Variants in L3MBTL4 observed in about 807,000 individuals in gnomAD.
L3MBTL4 encodes L3MBTL histone methyl-lysine binding protein 4, also known as lethal(3)malignant brain tumor-like protein 4.
In L3MBTL4, 70 loss-of-function variants were observed where a neutral mutation model predicts 84.5. That is an observed-to-expected ratio of 0.83 (90% CI 0.68 to 1.01). The LOEUF is 1.01. L3MBTL4 is among the 50% of genes least tolerant of loss of function. The pLI is 0.00. For synonymous variants in L3MBTL4, 274 were observed against 259.8 expected, an observed-to-expected ratio of 1.05 and a Z score of -0.52; for missense variants, 715 against 754.8, an observed-to-expected ratio of 0.95 and a Z score of 0.62.
intron 1 of L3MBTL4, among the ~76,000 whole-genome samples, chr18:6,379,098 A>G (rs1349278463): frequency 6.6e-6 from 1 of 152,066 alleles, no homozygotes; most frequent in Non-Finnish European, 1.5e-5. Flanking sequence ...ATAAGAGTTC[A>G]CTCATGATTT....
intron 16 of L3MBTL4, among the ~76,000 whole-genome samples, chr18:6,016,029 G>A (rs1034216291): frequency 6.6e-5 from 10 of 152,172 alleles, no homozygotes; most frequent in South Asian, 2.1e-4. Context: ...TGACCACTGC[G>A]GAAGATGAAC....
intron 16 of L3MBTL4, chr18:6,031,559 T>C (rs2055801909): frequency 3.1e-6 from 3 of 958,544 alleles, no homozygotes. Context: ...CGGTCAGTTC[T>C]GATTTCAGCA....
chr18:5,980,354 A>G (rs894242981), intron 16 of L3MBTL4, among the ~76,000 whole-genome samples: 1 of 151,390 alleles, frequency 6.6e-6, no homozygotes, highest in African/African-American at 2.4e-5. Flanking sequence ...GAAACAAAGC[A>G]TCCCCGTCTC....
chr18:6,120,102 C>T (rs1380248841), intron 14 of L3MBTL4, among the ~76,000 whole-genome samples: 1 of 152,212 alleles, frequency 6.6e-6, no homozygotes, highest in Non-Finnish European at 1.5e-5. Context: ...TGAAACAGCA[C>T]AGATGTGTTT....
chr18:6,021,973 A>G (rs1177551389), intron 16 of L3MBTL4, among the ~76,000 whole-genome samples: 3 of 152,132 alleles, frequency 2.0e-5, no homozygotes, highest in Non-Finnish European at 2.9e-5. Context: ...ATTTACTACC[A>G]GGCATCTTCT....
intron 1 of L3MBTL4, among the ~76,000 whole-genome samples, chr18:6,336,603 C>T (rs1233225861): frequency 1.3e-5 from 2 of 152,162 alleles, no homozygotes; most frequent in Non-Finnish European, 1.5e-5. Context: ...TAAGGTCCAA[C>T]CAGAGATAGA....
At chr18:6,062,509 T>C (rs1031104290) in intron 16 of L3MBTL4, among the ~76,000 whole-genome samples, 1 of 152,028 alleles carries the variant, frequency 6.6e-6, no homozygotes, top group Non-Finnish European at 1.5e-5. Context: ...GATATGTGTT[T>C]TAGTGTCTGC....
At chr18:6,017,443 C>T (rs1233486863) in intron 16 of L3MBTL4, among the ~76,000 whole-genome samples, 3 of 152,204 alleles carry the variant, frequency 2.0e-5, no homozygotes, top group Non-Finnish European at 4.4e-5. Flanking sequence ...GAGTTTTACA[C>T]TGTAATTTTA....
chr18:6,185,443 G>A (rs1246670472), intron 12 of L3MBTL4, among the ~76,000 whole-genome samples: 1 of 152,144 alleles, frequency 6.6e-6, no homozygotes, highest in Admixed American at 6.5e-5. Flanking sequence ...GGAGAGGGAG[G>A]CTGGGGAAGG....
intron 5 of L3MBTL4, among the ~76,000 whole-genome samples, chr18:6,262,577 G>T (rs2048454736): frequency 6.6e-6 from 1 of 152,116 alleles, no homozygotes; most frequent in Non-Finnish European, 1.5e-5. Context: ...AATGCAGGAG[G>T]TTCTCAAGCT....
intron 17 of L3MBTL4, among the ~76,000 whole-genome samples, chr18:5,967,782 G>T (rs1424800431): frequency 6.6e-6 from 1 of 152,238 alleles, no homozygotes; most frequent in African/African-American, 2.4e-5. Flanking sequence ...AGGCGGGACT[G>T]TTTGAGTGTA....
intron 9 of L3MBTL4, among the ~76,000 whole-genome samples, chr18:6,238,919 C>CAA (rs572603481): frequency 4.1e-4 from 59 of 143,830 alleles, no homozygotes; most frequent in African/African-American, 1.5e-3. Context: ...GGTTTTTAAT[C>CAA]AAAAAAAAAA....
chr18:6,054,953 C>T (rs1009074222), intron 16 of L3MBTL4, among the ~76,000 whole-genome samples: 6 of 152,302 alleles, frequency 3.9e-5, no homozygotes, highest in African/African-American at 1.2e-4. Context: ...CCACATGAAT[C>T]CACTGGAAGA....
chr18:6,329,155 T>C (rs548371163), intron 1 of L3MBTL4, among the ~76,000 whole-genome samples: 2 of 93,152 alleles, frequency 2.1e-5, no homozygotes, highest in South Asian at 2.9e-4. Flanking sequence ...TCTTTTCTTT[T>C]TTTTTTTTTT....
intron 10 of L3MBTL4, among the ~76,000 whole-genome samples, chr18:6,220,656 A>G (rs746611171): frequency 2.0e-5 from 3 of 152,226 alleles, no homozygotes; most frequent in Non-Finnish European, 2.9e-5. Context: ...AGGCTGCCTT[A>G]TGATAGGAAT....
intron 10 of L3MBTL4, among the ~76,000 whole-genome samples, chr18:6,231,798 T>G (rs1246494310): frequency 3.9e-5 from 6 of 152,048 alleles, no homozygotes; most frequent in African/African-American, 1.4e-4. Flanking sequence ...TACCAGATTT[T>G]TTTATGTTAG....
chr18:5,968,716 T>TA lies in L3MBTL4; in HGVS notation c.1614+676dup. ...TGTCTCTAAATAAAATAAAATAAAA[T>TA]AAAATAAAATAAAATAAAATAAAAT... On this transcript the variant is annotated intron_variant, in intron 17 of 18. Coordinates refer to ENST00000317931, the MANE Select transcript of L3MBTL4 (RefSeq NM_001330559.2). Among the ~76,000 whole-genome samples the TA allele has an allele frequency of 1.3e-5, 2 of 149,402 alleles. 1 individual carries two copies. The highest frequency in any genetic ancestry group is 4.2e-4 in the South Asian group (2 of 4,750).
chr18:6,100,778 G>A (rs989191976), intron 14 of L3MBTL4, among the ~76,000 whole-genome samples: 5 of 152,212 alleles, frequency 3.3e-5, no homozygotes, highest in African/African-American at 9.6e-5. Flanking sequence ...GAGTGGGGGA[G>A]CAGTGGCCCT....
chr18:6,403,001 A>C (rs923870632), intron 1 of L3MBTL4, among the ~76,000 whole-genome samples: 10 of 152,086 alleles, frequency 6.6e-5, no homozygotes, highest in Admixed American at 6.6e-4. Context: ...GAAGTAGGTT[A>C]CCCCCAGGGG....
Sources: allele counts gnomAD v4.1 joint callset (sites outside exome capture counted in the v4.1 genomes callset), GRCh38; gene constraint gnomAD v4.1.1; transcripts MANE v1.5; gene names NCBI Gene and HGNC (gene_info 2026-07-23, HGNC 2026-07-21).